Variants in OR2I1 observed in about 807,000 individuals in gnomAD.
OR2I1 encodes putative olfactory receptor 2I1.
chr6:29,552,180 T>C, the OR2I1 span, among the ~76,000 whole-genome samples: 2 of 152,316 alleles, frequency 1.3e-5, no homozygotes, highest in East Asian at 3.9e-4. Context: ...GTTCTCTTTT[T>C]ATTTTATTTT....
At chr6:29,552,921 C>T in the OR2I1 span, 7 of 243,178 alleles carry the variant, frequency 2.9e-5, no homozygotes, top group African/African-American at 4.5e-5. Flanking sequence ...CTTCTGGCCT[C>T]GTCTCCATTT....
chr6:29,553,438 A>C, the OR2I1 span: 5,645 of 398,762 alleles, frequency 0.014, 179 homozygotes, highest in African/African-American at 0.074. Context: ...GGGCTTCACT[A>C]CTAGCGTGGT....
At chr6:29,552,299 A>G in the OR2I1 span, among the ~76,000 whole-genome samples, 1 of 152,244 alleles carries the variant, frequency 6.6e-6, no homozygotes, top group African/African-American at 2.4e-5. Context: ...GAGGGAAATG[A>G]AGATTTCCCC....
At chr6:29,555,435 A>G in the OR2I1 span, 11 of 163,274 alleles carry the variant, frequency 6.7e-5, no homozygotes, top group African/African-American at 1.7e-4. Flanking sequence ...TAGAAATTCA[A>G]TTTGGTTCAA....
chr6:29,555,797 A>C, the OR2I1 span: 1 of 1,140,634 alleles, frequency 8.8e-7, no homozygotes, highest in African/African-American at 1.6e-5. Context: ...ATTTTGGGAA[A>C]TCATCAGAAG....
At chr6:29,553,521 C>CG in the OR2I1 span, 1 of 398,510 alleles carries the variant, frequency 2.5e-6, no homozygotes, top group Non-Finnish European at 4.4e-6. Flanking sequence ...CCCAGCTGTG[C>CG]GCATCGCTGG....
At chr6:29,556,075 C>T in the OR2I1 span, 3 of 1,613,112 alleles carry the variant, frequency 1.9e-6, no homozygotes, top group South Asian at 1.1e-5. Flanking sequence ...GGAGGAGGTG[C>T]CTCTTTGCCT....
At chr6:29,551,684 G>T in the OR2I1 span, among the ~76,000 whole-genome samples, 3 of 152,180 alleles carry the variant, frequency 2.0e-5, no homozygotes, top group African/African-American at 7.2e-5. Flanking sequence ...GCCAGGCCTT[G>T]TTCTAACAGC....
the OR2I1 span, chr6:29,555,062 A>G: frequency 6.6e-6 from 1 of 152,354 alleles, no homozygotes; most frequent in African/African-American, 2.4e-5. Flanking sequence ...AAGACCTGCT[A>G]GACCCTAAGG....
At chr6:29,557,373 A>G in the OR2I1 span, 2 of 152,210 alleles carry the variant, frequency 1.3e-5, no homozygotes, top group Non-Finnish European at 2.9e-5. Flanking sequence ...TTTTCTCCTG[A>G]TAAGAGACCA....
At chr6:29,553,977 C>T in the OR2I1 span, 2 of 398,786 alleles carry the variant, frequency 5.0e-6, no homozygotes, top group Non-Finnish European at 8.8e-6. Context: ...TGTTCTACGG[C>T]TCGGCCATCT....
At chr6:29,556,329 A>G in the OR2I1 span, 131 of 1,612,036 alleles carry the variant, frequency 8.1e-5, no homozygotes, top group African/African-American at 1.4e-3. Flanking sequence ...ATTAAATCCC[A>G]TTCCTCGGAA....
chr6:29,554,428 G>A, the OR2I1 span: 36 of 331,950 alleles, frequency 1.1e-4, no homozygotes, highest in Non-Finnish European at 1.8e-4. Context: ...TGATGGACGT[G>A]ATGCTCGCCT....
the OR2I1 span, chr6:29,553,259 TG>T: frequency 2.5e-6 from 1 of 398,818 alleles, no homozygotes; most frequent in Non-Finnish European, 4.4e-6. Flanking sequence ...TTTCTCCTGC[TG>T]GGTTTCTCCG....
At chr6:29,552,097 A>G in the OR2I1 span, among the ~76,000 whole-genome samples, 5 of 152,238 alleles carry the variant, frequency 3.3e-5, no homozygotes, top group African/African-American at 7.2e-5. Context: ...TACATAACCC[A>G]TATGTTTCTG....
the OR2I1 span, chr6:29,555,807 G>T: frequency 2.5e-6 from 3 of 1,220,498 alleles, no homozygotes; most frequent in Non-Finnish European, 3.5e-6. Flanking sequence ...ATCATCAGAA[G>T]ATGTGTTCGT....
the OR2I1 span, chr6:29,556,300 T>C: frequency 1.2e-6 from 2 of 1,613,030 alleles, no homozygotes; most frequent in Middle Eastern, 1.6e-4. Context: ...CGCTGTCATA[T>C]GGGTTGGCAT....
chr6:29,553,759 C>A, the OR2I1 span: 4 of 398,498 alleles, frequency 1.0e-5, no homozygotes, highest in Non-Finnish European at 1.3e-5. Flanking sequence ...CTGTGAGCTG[C>A]CGGCGTTGCT....
At chr6:29,553,659 C>A in the OR2I1 span, 20 of 398,436 alleles carry the variant, frequency 5.0e-5, no homozygotes, top group Non-Finnish European at 7.5e-5. Context: ...CCAGCGCCTC[C>A]TGGCTAAGCG....
Sources: gnomAD v4.1 joint callset for allele counts (sites outside exome capture counted in the v4.1 genomes callset) on GRCh38, gnomAD v4.1.1 for gene constraint, MANE v1.5 for transcripts, NCBI Gene and HGNC (gene_info 2026-07-23, HGNC 2026-07-21) for gene names.